Variants in SF3B3 observed in about 807,000 individuals in gnomAD.
SF3B3 encodes the protein splicing factor 3b subunit 3, also known as SAP 130.
In SF3B3, 33 loss-of-function variants were observed where a neutral mutation model predicts 139.2. The observed-to-expected ratio is 0.24, with a 90% CI of 0.18 to 0.32. The LOEUF is 0.32. SF3B3 is among the 10% of genes least tolerant of loss of function. The pLI, the probability that SF3B3 is intolerant of heterozygous loss-of-function variation, is 1.00. For missense variants in SF3B3, 818 were observed against 1,509.4 expected (o/e 0.54, Z 7.59); for synonymous variants, 596 against 563.6 (o/e 1.06, Z -0.81).
intron 20 of SF3B3, among the ~76,000 whole-genome samples, chr16:70,567,166 C>T (rs1430929970): frequency 1.3e-5 from 2 of 152,170 alleles, no homozygotes; most frequent in Non-Finnish European, 2.9e-5. Flanking sequence ...AAACAGAGCA[C>T]AAGCTCTGGA....
At chr16:70,530,180 G>C (rs570565937) in intron 3 of SF3B3, among the ~76,000 whole-genome samples, 81 of 149,072 alleles carry the variant, frequency 5.4e-4, no homozygotes, top group African/African-American at 2.0e-3. Context: ...ATAAGAGAGA[G>C]ATGGGGATCT....
rs767479417 is a variant in SF3B3, at chr16:70,570,025, A to G, written c.3284A>G (p.Tyr1095Cys). 1 of 1,614,120 alleles carries G rather than the reference A, an allele frequency of 6.2e-7. No homozygotes were observed. ...TCACAGGCAGAGGTGATCATGAACT[A>G]CCATGTCGGGGAGACGGTGCTGTCC... is the stretch of plus-strand genomic sequence containing the variant. ...ASQKAEVIMN[Y>C]HVGETVLSLQ... Residue 1095 changes from tyrosine (Y) to cysteine (C), a missense_variant, in exon 24 of 26, where the codon TAC becomes TGC. This residue lies in a region of SF3B3 where 91 missense variants were observed against 171.8 expected (regional missense o/e 0.53). Transcript: ENST00000302516.
intron 5 of SF3B3, among the ~76,000 whole-genome samples, chr16:70,533,247 T>C (rs775913043): frequency 1.1e-4 from 16 of 152,182 alleles, no homozygotes; most frequent in African/African-American, 3.4e-4. Context: ...CCTAGCACTT[T>C]AGGAGGCTGA....
Position 70,535,173 on chromosome 16 carries a change from G to A in SF3B3, c.713-135G>A, listed in dbSNP as rs1292669072. ...CTTATCTACCATGAACATAAGGGAG[G>A]AGAAACACATGAAATGTTTCTTAGC... On this transcript the variant is annotated intron_variant, in intron 5 of 25. Transcript: ENST00000302516. 10 of 541,902 alleles carry A rather than the reference G, an allele frequency of 1.8e-5. No individual in the cohort carries two copies. In the Middle Eastern group the frequency reaches 8.7e-4, roughly 47 times the overall value. 33.6% of individuals were successfully genotyped at this position (541,902 alleles called of 1,614,324 possible).
At chr16:70,554,725 T>C (rs2050363660) in intron 12 of SF3B3, 128 bp downstream of exon 12, 2 of 928,360 alleles carry the variant, frequency 2.2e-6, no homozygotes, top group Non-Finnish European at 3.2e-6. Flanking sequence ...AGGGAACATA[T>C]GATTTGGGCA....
chr16:70,549,213 A>C (rs913327596), intron 11 of SF3B3, among the ~76,000 whole-genome samples: 9 of 152,226 alleles, frequency 5.9e-5, no homozygotes, highest in Non-Finnish European at 7.3e-5. Flanking sequence ...AGGTTTTTCA[A>C]GAAAACAGCT....
At chr16:70,527,502 A>T (rs2050075366) in intron 2 of SF3B3, among the ~76,000 whole-genome samples, 1 of 152,164 alleles carries the variant, frequency 6.6e-6, no homozygotes, top group South Asian at 2.1e-4. Flanking sequence ...TGGTACTGAG[A>T]GGCAGCCTAA....
At chr16:70,557,085 A>G (rs1567420764) in intron 15 of SF3B3, 56 bp downstream of exon 15, 4 of 1,503,802 alleles carry the variant, frequency 2.7e-6, no homozygotes, top group Middle Eastern at 1.9e-4. Flanking sequence ...CGTTTCACAC[A>G]CTCCTTTGTT....
At chr16:70,569,188 T>C in intron 23 of SF3B3, 47 bp downstream of exon 23, 1 of 1,348,550 alleles carries the variant, frequency 7.4e-7, no homozygotes, top group Non-Finnish European at 1.0e-6. Flanking sequence ...TTAGCACTTT[T>C]CCTGTTGCCC....
At chr16:70,526,408 G>A (rs8051473) in intron 1 of SF3B3, among the ~76,000 whole-genome samples, 179 bp from the exon 2 acceptor site, 18,214 of 151,936 alleles carry the variant, frequency 0.12, 3,617 homozygotes, top group African/African-American at 0.41. Context: ...GGGTTTCACT[G>A]TGTTGCCCAA....
At chr16:70,546,115 C>T (rs558416182) in intron 10 of SF3B3, among the ~76,000 whole-genome samples, 21 of 152,098 alleles carry the variant, frequency 1.4e-4, no homozygotes, top group African/African-American at 2.9e-4. Flanking sequence ...TACAGGTGTG[C>T]GCCATCACGC....
chr16:70,569,271 C>G (rs1342195903), intron 23 of SF3B3, 130 bp downstream of exon 23: 1 of 606,822 alleles, frequency 1.6e-6, no homozygotes, highest in African/African-American at 1.9e-5. Flanking sequence ...CGTCCACAGT[C>G]CTTTCTTACC....
rs2050571651 is a variant in SF3B3 at position 70,575,467 on chromosome 16, G to C, written c.*3654G>C. 1 of 152,308 alleles carries C rather than the reference G, an allele frequency of 6.6e-6. No homozygotes were observed. Among genetic ancestry groups the C allele is most frequent in the Non-Finnish European group, 1.5e-5 (1 of 68,160 alleles). The allele number at this position is 152,308 out of a possible 1,614,324, so 9.4% of individuals were successfully genotyped here. A position where few individuals can be genotyped will look rare whatever the true frequency, so the allele number is the denominator to read the frequency against. On this transcript the variant is annotated 3_prime_UTR_variant, in exon 26 of 26. Transcript: ENST00000302516. Reference sequence around the variant, plus strand: ...ACCCACCTTGGTCTCCCAAAGCGCTGGGATTACAGGCGTGAGCCACTGCAC... The same window carrying C: ...ACCCACCTTGGTCTCCCAAAGCGCTCGGATTACAGGCGTGAGCCACTGCAC...
At chr16:70,557,370 A>C (rs145625638) in intron 15 of SF3B3, among the ~76,000 whole-genome samples, 1 of 152,216 alleles carries the variant, frequency 6.6e-6, no homozygotes, top group South Asian at 2.1e-4. Flanking sequence ...AATTGGCTTC[A>C]TTAGCAATAA....
chr16:70,547,781 G>A (rs1329412306), intron 10 of SF3B3, among the ~76,000 whole-genome samples: 1 of 152,144 alleles, frequency 6.6e-6, no homozygotes, highest in Non-Finnish European at 1.5e-5. Flanking sequence ...TTGCAGAGAC[G>A]GGTTTCACCG....
chr16:70,530,387 T>G (rs1196907009), intron 3 of SF3B3, among the ~76,000 whole-genome samples: 1 of 150,694 alleles, frequency 6.6e-6, no homozygotes, highest in Non-Finnish European at 1.5e-5. Flanking sequence ...TGGTGCGATC[T>G]CAGCTCACTG....
chr16:70,561,857 G>C, intron 17 of SF3B3, 73 bp downstream of exon 17: 1 of 1,349,554 alleles, frequency 7.4e-7, no homozygotes, highest in South Asian at 1.3e-5. Flanking sequence ...CTGCCAGAGT[G>C]TTGGAGGAGG....
intron 11 of SF3B3, among the ~76,000 whole-genome samples, chr16:70,549,868 T>A (rs957315356): frequency 6.6e-6 from 1 of 152,126 alleles, no homozygotes; most frequent in Non-Finnish European, 1.5e-5. Flanking sequence ...GAGGTTGCAG[T>A]GAGCCGAGAT....
chr16:70,569,787 C>A (rs2050510823), intron 23 of SF3B3: 5 of 515,632 alleles, frequency 9.7e-6, no homozygotes, highest in Non-Finnish European at 1.7e-5. Context: ...TGCCACCAAA[C>A]CTGGCAGATT....
Sources: allele counts gnomAD v4.1 joint callset (sites outside exome capture counted in the v4.1 genomes callset), GRCh38; gene constraint gnomAD v4.1.1; regional missense constraint gnomAD v4.1.1; transcripts MANE v1.5; gene names NCBI Gene and HGNC (gene_info 2026-07-23, HGNC 2026-07-21).